The following TBL1X variants were observed in gnomAD, a reference collection of about 807,000 sequenced individuals.
TBL1X encodes transducin beta like 1 X-linked.
In TBL1X, 10 loss-of-function variants were observed where a neutral mutation model predicts 50.7. The ratio of observed to expected loss-of-function variants is 0.20; its 90% CI spans 0.12 to 0.33. TBL1X has a LOEUF of 0.33. Ranked by LOEUF, TBL1X falls within the 10% of genes least tolerant of loss-of-function variation. TBL1X has a pLI of 1.00. For synonymous variants in TBL1X, 190 were observed against 214.7 expected (o/e 0.88, Z 1.01); for missense variants, 340 against 504.4 (o/e 0.67, Z 3.12).
chrX:9,510,507 CTG>C (rs2082049993), intron 2 of TBL1X, among the ~76,000 whole-genome samples: 1 of 105,654 alleles, frequency 9.5e-6, no homozygotes, highest in African/African-American at 3.4e-5. Flanking sequence ...CACCAGCAGA[CTG>C]TGGCCCACGG....
At chrX:9,592,852 GCA>G (rs1872413056) in intron 2 of TBL1X, among the ~76,000 whole-genome samples, 1 of 112,286 alleles carries the variant, frequency 8.9e-6, no homozygotes, top group Admixed American at 9.4e-5. Flanking sequence ...TCACTCACAC[GCA>G]CACACGTAGA....
At chrX:9,642,694 C>T (rs2082782093) in intron 3 of TBL1X, among the ~76,000 whole-genome samples, 1 of 112,294 alleles carries the variant, frequency 8.9e-6, no homozygotes, top group Non-Finnish European at 1.9e-5. Context: ...GCAGGCTCAG[C>T]AAGCATGTTC....
At chrX:9,697,571 A>C in intron 12 of TBL1X, 142 bp downstream of exon 12, 1 of 839,327 alleles carries the variant, frequency 1.2e-6, no homozygotes, top group Non-Finnish European at 1.7e-6. Context: ...CAGGAGTTCA[A>C]GACCAGCCTG....
At chrX:9,525,470 G>A (rs1243130315) in intron 2 of TBL1X, among the ~76,000 whole-genome samples, 1 of 112,251 alleles carries the variant, frequency 8.9e-6, no homozygotes, top group Non-Finnish European at 1.9e-5. Context: ...AACACTGGGA[G>A]CCACATATTA....
intron 2 of TBL1X, among the ~76,000 whole-genome samples, chrX:9,537,391 T>G (rs1400342423): frequency 9.1e-6 from 1 of 110,480 alleles, no homozygotes; most frequent in Non-Finnish European, 1.9e-5. Flanking sequence ...GCATTAAATA[T>G]TCATTACATT....
chrX:9,629,302 C>G (rs978573266), intron 2 of TBL1X, among the ~76,000 whole-genome samples: 1 of 112,569 alleles, frequency 8.9e-6, no homozygotes, highest in Admixed American at 9.4e-5. Flanking sequence ...CATTTGTTTA[C>G]AGATTGCCAG....
chrX:9,568,734 GTC>G (rs1466219677), intron 2 of TBL1X, among the ~76,000 whole-genome samples: 1 of 107,462 alleles, frequency 9.3e-6, no homozygotes, highest in Non-Finnish European at 2.0e-5. Flanking sequence ...CTGTGTGTGT[GTC>G]TGTGTTGTGT....
At chrX:9,593,018 G>C (rs965434243) in intron 2 of TBL1X, among the ~76,000 whole-genome samples, 1 of 111,787 alleles carries the variant, frequency 8.9e-6, no homozygotes, top group Non-Finnish European at 1.9e-5. Context: ...TAAAGGGGTG[G>C]TTGTGGGGAT....
At chrX:9,647,274 T>C (rs1742589619) in intron 3 of TBL1X, among the ~76,000 whole-genome samples, 1 of 112,106 alleles carries the variant, frequency 8.9e-6, no homozygotes, top group African/African-American at 3.2e-5. Flanking sequence ...ATCACTTATA[T>C]TGAATTACTT....
chrX:9,576,696 A>T (rs1367627189), intron 2 of TBL1X, among the ~76,000 whole-genome samples: 3 of 66,212 alleles, frequency 4.5e-5, no homozygotes, highest in African/African-American at 1.4e-4. Context: ...GCACTACATT[A>T]AAAAAAAAAA....
chrX:9,632,365 C>G (rs1475217001), intron 2 of TBL1X, among the ~76,000 whole-genome samples: 1 of 111,846 alleles, frequency 8.9e-6, no homozygotes, highest in Non-Finnish European at 1.9e-5. Flanking sequence ...ACCGCAACCT[C>G]CGCCTCCCGA....
At chrX:9,503,255 ACGCTACCCAGC>A (rs1460741475) in intron 2 of TBL1X, among the ~76,000 whole-genome samples, 6 of 112,218 alleles carry the variant, frequency 5.3e-5, no homozygotes, top group African/African-American at 1.9e-4. Flanking sequence ...GTGAGTGAGC[ACGCTACCCAGC>A]CGGGGAAACT....
chrX:9,604,381 G>C (rs905640128), intron 2 of TBL1X, among the ~76,000 whole-genome samples: 1 of 109,957 alleles, frequency 9.1e-6, no homozygotes, highest in African/African-American at 3.3e-5. Context: ...AATTAGCCGG[G>C]TAGACTTTTT....
chrX:9,546,284 C>T (rs921418184), intron 2 of TBL1X, among the ~76,000 whole-genome samples: 6 of 111,923 alleles, frequency 5.4e-5, no homozygotes, highest in African/African-American at 1.3e-4. Context: ...GAGGCCGAGG[C>T]GGGCGGATCA....
intron 2 of TBL1X, among the ~76,000 whole-genome samples, chrX:9,638,213 T>C (rs951551966): frequency 2.7e-5 from 3 of 111,379 alleles, no homozygotes; most frequent in Non-Finnish European, 5.7e-5. Flanking sequence ...TACCAGAAAA[T>C]TAGAATCCCT....
chrX:9,678,159 G>C (rs915038995), intron 5 of TBL1X, among the ~76,000 whole-genome samples: 1 of 111,649 alleles, frequency 9.0e-6, no homozygotes, highest in Non-Finnish European at 1.9e-5. Context: ...ATTGTTTTTT[G>C]TTGTTTTTTT....
At chrX:9,614,526 A>G (rs2082630312) in intron 2 of TBL1X, among the ~76,000 whole-genome samples, 1 of 111,447 alleles carries the variant, frequency 9.0e-6, no homozygotes, top group Non-Finnish European at 1.9e-5. Flanking sequence ...ATGCCACTGC[A>G]CTCTAGCCTG....
At chrX:9,523,593 C>T (rs1569214468) in intron 2 of TBL1X, among the ~76,000 whole-genome samples, 1 of 112,702 alleles carries the variant, frequency 8.9e-6, no homozygotes, top group Non-Finnish European at 1.9e-5. Flanking sequence ...TCAAGACTCT[C>T]TCAAAACACC....
At chrX:9,555,164 C>T (rs12690409) in intron 2 of TBL1X, among the ~76,000 whole-genome samples, 14,286 of 110,730 alleles carry the variant, frequency 0.13, 1,236 homozygotes, top group African/African-American at 0.31. Flanking sequence ...CAGCCTCAAA[C>T]GTCTGGGCTC....
Sources: gnomAD v4.1 joint callset for allele counts (sites outside exome capture counted in the v4.1 genomes callset) on GRCh38, gnomAD v4.1.1 for gene constraint, MANE v1.5 for transcripts, NCBI Gene and HGNC (gene_info 2026-07-23, HGNC 2026-07-21) for gene names.